The following SNAP29 variants were observed in gnomAD, a reference collection of about 807,000 sequenced individuals.
SNAP29 encodes the protein synaptosomal-associated protein 29.
SNAP29 carries 13 observed loss-of-function variants against 27.9 expected under a neutral mutation model. The observed-to-expected ratio is 0.47, with a 90% CI of 0.30 to 0.74. The LOEUF (loss-of-function observed/expected upper bound fraction) is 0.74. SNAP29 is among the 30% of genes least tolerant of loss of function. The probability of loss-of-function intolerance (pLI) is 0.06; values close to 1 mark genes in which losing one functional copy is unlikely to be tolerated. For missense variants in SNAP29, 368 were observed against 336.5 expected (o/e 1.09, Z -0.73); for synonymous variants, 119 against 127.1 (o/e 0.94, Z 0.43).
At chr22:20,884,949 A>T (rs979888517) in intron 4 of SNAP29, among the ~76,000 whole-genome samples, 1 of 151,930 alleles carries the variant, frequency 6.6e-6, no homozygotes, top group African/African-American at 2.4e-5. Flanking sequence ...CTAATTTTGT[A>T]TTTTTAGTAG....
chr22:20,881,030 T>G lies in SNAP29; in HGVS notation c.435-19T>G. ...TTTCCTTTTTAAACGTTTTCTTTTT[T>G]GTGAACTTTTATCCAAAGATTGAAA... On this transcript the variant is annotated intron_variant, in intron 2 of 4. Transcript: ENST00000215730. 6.5e-7 allele frequency: 1 copy of G among 1,537,484 alleles called. No homozygotes were observed. Among genetic ancestry groups the G allele is most frequent in the Non-Finnish European group, 9.0e-7 (1 of 1,110,166 alleles).
At position 20,876,738 on chromosome 22, in the gene SNAP29, T is replaced by G. The variant is rs533407080; in HGVS notation, c.435-4311T>G. Among the ~76,000 whole-genome samples, 335 of 152,024 alleles carry G rather than the reference T, an allele frequency of 2.2e-3. 1 individual carries two copies. The highest frequency in any genetic ancestry group is 3.5e-3 in the Non-Finnish European group (241 of 67,974). On this transcript the variant is annotated intron_variant, in intron 2 of 4. Transcript: ENST00000215730. The stretch of plus-strand genomic sequence containing the variant: ...ACCCGCCACCACGCCCGGCTAAATT[T>G]TTTTTGTATTTTTAGTAGAGATGGG...
At chr22:20,876,298 C>T (rs1301136200) in intron 2 of SNAP29, among the ~76,000 whole-genome samples, 5 of 148,572 alleles carry the variant, frequency 3.4e-5, no homozygotes, top group African/African-American at 1.2e-4. Flanking sequence ...CGCTCTGTCG[C>T]CCAGGCTGGA....
Position 20,859,042 on chromosome 22 carries a change from G to A in SNAP29, c.-69G>A, listed in dbSNP as rs981413328. The A allele has an allele frequency of 4.2e-6, 6 of 1,429,478 alleles. No individual in the cohort carries two copies. Among genetic ancestry groups the A allele is most frequent in the Admixed American group, 3.9e-5 (2 of 50,650 alleles). 88.5% of individuals were successfully genotyped at this position (1,429,478 alleles called of 1,614,324 possible). Reference sequence around the variant, plus strand: ...CGACCGCGGGGTCGGCGGGCGGGGCGAGGCCCTGGACGGCGGCGGCAGTGG... The same window carrying A: ...CGACCGCGGGGTCGGCGGGCGGGGCAAGGCCCTGGACGGCGGCGGCAGTGG... On this transcript the variant is annotated 5_prime_UTR_variant, in exon 1 of 5. Transcript: ENST00000215730.
intron 1 of SNAP29, 45 bp from the exon 2 acceptor site, chr22:20,870,292 A>T (rs1452474404): frequency 6.3e-7 from 1 of 1,578,938 alleles, no homozygotes; most frequent in Non-Finnish European, 8.7e-7. Flanking sequence ...GCCCTGGGGG[A>T]GAGTCACAGA....
chr22:20,879,644 G>A (rs1051909275), intron 2 of SNAP29, among the ~76,000 whole-genome samples: 1 of 151,820 alleles, frequency 6.6e-6, no homozygotes, highest in Non-Finnish European at 1.5e-5. Flanking sequence ...TCAGGAGTTC[G>A]TGACCAGCCT....
chr22:20,876,890 A>G (rs1928759997), intron 2 of SNAP29, among the ~76,000 whole-genome samples: 1 of 152,132 alleles, frequency 6.6e-6, no homozygotes, highest in Non-Finnish European at 1.5e-5. Context: ...TCCTGTGTAC[A>G]TCATTATCAC....
intron 1 of SNAP29, among the ~76,000 whole-genome samples, chr22:20,863,930 T>C (rs1228371370): frequency 6.6e-6 from 1 of 152,122 alleles, no homozygotes; most frequent in Non-Finnish European, 1.5e-5. Context: ...TCCACACTAG[T>C]ATGTAATGAG....
intron 2 of SNAP29, among the ~76,000 whole-genome samples, chr22:20,874,574 CAAAAAAAAA>C (rs758177794): frequency 1.0e-5 from 1 of 98,396 alleles, no homozygotes; most frequent in African/African-American, 3.6e-5. Flanking sequence ...GACCCTATCT[CAAAAAAAAA>C]AAAAAAAAAA....
chr22:20,861,149 C>T (rs1315074175), intron 1 of SNAP29, among the ~76,000 whole-genome samples: 1 of 123,276 alleles, frequency 8.1e-6, no homozygotes, highest in African/African-American at 3.3e-5. Context: ...GACAGATTCT[C>T]GCTCTGTCAC....
chr22:20,874,347 AGCC>A (rs2147866757), intron 2 of SNAP29, among the ~76,000 whole-genome samples: 1 of 94,750 alleles, frequency 1.1e-5, no homozygotes, highest in South Asian at 4.0e-4. Context: ...CACGAAAATT[AGCC>A]ACACACACAC....
At position 20,888,272 on chromosome 22, in the gene SNAP29, A is replaced by G; in HGVS notation, c.*436A>G. 6.9e-6 allele frequency: 2 copies of G among 289,424 alleles called. No individual in the cohort carries two copies. The highest frequency in any genetic ancestry group is 6.9e-5 in the South Asian group (2 of 29,194). The allele number at this position is 289,424 out of a possible 1,614,324, so 17.9% of individuals were successfully genotyped here. On this transcript the variant is annotated 3_prime_UTR_variant, in exon 5 of 5. Transcript: ENST00000215730. ...GGCCTGTGAACCAGTCGTTTGGTGG[A>G]GGAGGGTCCTTCCCACACCTTTGTT...
Position 20,883,477 on chromosome 22 carries a change from T to C in SNAP29, c.527T>C (p.Val176Ala). ...NLRKLDDTDP[V>A]PRGAGSAMST... Reference sequence around the variant, plus strand: ...TGTTTCCTTCTAAACTTAGACCCTGTCCCCAGAGGGGCTGGTTCTGCCATG... The same window carrying C: ...TGTTTCCTTCTAAACTTAGACCCTGCCCCCAGAGGGGCTGGTTCTGCCATG... The change falls in exon 4 of 5, where the codon GTC (valine) becomes GCC (alanine). Residue 176 changes from valine to alanine, a missense_variant. Coordinates refer to ENST00000215730, the MANE Select transcript of SNAP29 (RefSeq NM_004782.4). The C allele has an allele frequency of 6.2e-7, 1 of 1,608,278 alleles. No homozygotes were observed. The highest frequency in any genetic ancestry group is 8.5e-7 in the Non-Finnish European group (1 of 1,174,938).
intron 2 of SNAP29, among the ~76,000 whole-genome samples, chr22:20,874,307 GACACACACAGACAC>G (rs993221345): frequency 8.5e-6 from 1 of 117,642 alleles, no homozygotes; most frequent in Admixed American, 1.1e-4. Context: ...GACACACACA[GACACACACAGACAC>G]ACACACACAC....
chr22:20,882,562 G>C (rs1019092548), intron 3 of SNAP29, among the ~76,000 whole-genome samples: 5 of 152,222 alleles, frequency 3.3e-5, no homozygotes, highest in Admixed American at 1.3e-4. Flanking sequence ...GAGGAAGAGC[G>C]GGGAGCAGGA....
chr22:20,882,710 T>C (rs1186103087), intron 3 of SNAP29, among the ~76,000 whole-genome samples: 1 of 152,184 alleles, frequency 6.6e-6, no homozygotes, highest in East Asian at 1.9e-4. Context: ...CAAGACACAA[T>C]TTTAAGGAAT....
chr22:20,863,940 G>A (rs1408020322), intron 1 of SNAP29, among the ~76,000 whole-genome samples: 1 of 152,084 alleles, frequency 6.6e-6, no homozygotes, highest in East Asian at 1.9e-4. Context: ...TATGTAATGA[G>A]CTGGGCTTTC....
intron 2 of SNAP29, among the ~76,000 whole-genome samples, chr22:20,875,872 G>A (rs1239090382): frequency 1.3e-5 from 2 of 151,116 alleles, no homozygotes; most frequent in East Asian, 1.9e-4. Context: ...AAAAAAAATG[G>A]GGGGGCGGCT....
intron 4 of SNAP29, among the ~76,000 whole-genome samples, chr22:20,885,623 A>G (rs1045430588): frequency 3.3e-5 from 5 of 152,196 alleles, no homozygotes; most frequent in Non-Finnish European, 7.3e-5. Context: ...GAGGAAGGAT[A>G]CTGCATTCAG....
Sources: allele counts gnomAD v4.1 joint callset (sites outside exome capture counted in the v4.1 genomes callset), GRCh38; gene constraint gnomAD v4.1.1; transcripts MANE v1.5; gene names NCBI Gene and HGNC (gene_info 2026-07-23, HGNC 2026-07-21).